Variants in GRM5 observed in about 807,000 individuals in gnomAD.
GRM5 encodes the protein metabotropic glutamate receptor 5.
Under a neutral mutation model 83.1 loss-of-function variants are expected in GRM5, and 19 were observed. That is an observed-to-expected ratio of 0.23 (90% CI 0.16 to 0.34). The LOEUF is 0.34. Among genes scored for constraint, GRM5 ranks in the 10% least tolerant of loss-of-function variants. GRM5 has a pLI of 1.00. For synonymous variants in GRM5, 675 were observed against 633.6 expected (o/e 1.07, Z -0.98); for missense variants, 1,160 against 1,588.3 (o/e 0.73, Z 4.58).
At chr11:88,710,507 G>A (rs1273885574) in intron 3 of GRM5, among the ~76,000 whole-genome samples, 2 of 151,986 alleles carry the variant, frequency 1.3e-5, no homozygotes, top group Non-Finnish European at 1.5e-5. Context: ...AGTCACTTAA[G>A]TTACTCAGAA....
intron 2 of GRM5, among the ~76,000 whole-genome samples, chr11:88,988,334 A>C (rs1218210919): frequency 6.7e-6 from 1 of 150,322 alleles, no homozygotes; most frequent in East Asian, 2.0e-4. Flanking sequence ...GAAATGAGCA[A>C]AGCCTCCAAG....
At chr11:88,666,948 C>G (rs1394315624) in intron 3 of GRM5, among the ~76,000 whole-genome samples, 1 of 152,064 alleles carries the variant, frequency 6.6e-6, no homozygotes, top group Non-Finnish European at 1.5e-5. Context: ...CCAGGAAAAA[C>G]AGTCAATGAA....
At chr11:88,960,655 G>A (rs1938754703) in intron 2 of GRM5, among the ~76,000 whole-genome samples, 1 of 152,132 alleles carries the variant, frequency 6.6e-6, no homozygotes, top group Non-Finnish European at 1.5e-5. Context: ...GAAATTTTAG[G>A]AAACTTGGAA....
At chr11:88,643,126 G>A (rs1939340835) in intron 4 of GRM5, among the ~76,000 whole-genome samples, 1 of 152,108 alleles carries the variant, frequency 6.6e-6, no homozygotes, top group Non-Finnish European at 1.5e-5. Context: ...GGTTCTGCAG[G>A]CTGTGCAGGA....
At chr11:88,991,531 C>G (rs542903619) in intron 2 of GRM5, among the ~76,000 whole-genome samples, 7 of 151,006 alleles carry the variant, frequency 4.6e-5, no homozygotes, top group Non-Finnish European at 1.0e-4. Flanking sequence ...TCATATGGAA[C>G]CAAAAAAGAG....
At chr11:88,838,282 C>G (rs890408216) in intron 3 of GRM5, among the ~76,000 whole-genome samples, 17 of 152,134 alleles carry the variant, frequency 1.1e-4, no homozygotes, top group African/African-American at 4.1e-4. Flanking sequence ...GGAAAGAAAA[C>G]ACACAGCTTC....
intron 3 of GRM5, among the ~76,000 whole-genome samples, chr11:88,740,582 T>A (rs1942006234): frequency 6.6e-6 from 1 of 152,010 alleles, no homozygotes; most frequent in African/African-American, 2.4e-5. Flanking sequence ...GAGAATTAGG[T>A]AACCTTCCCA....
chr11:88,885,134 A>C (rs1289217541), intron 2 of GRM5, among the ~76,000 whole-genome samples: 1 of 151,936 alleles, frequency 6.6e-6, no homozygotes, highest in Admixed American at 6.6e-5. Context: ...AATGAGGTAC[A>C]TCCCATTCTT....
chr11:89,054,272 T>C (rs1941824107), intron 1 of GRM5, among the ~76,000 whole-genome samples: 1 of 152,088 alleles, frequency 6.6e-6, no homozygotes, highest in Non-Finnish European at 1.5e-5. Flanking sequence ...CTATTAGAGC[T>C]GACGTAGGAT....
intron 3 of GRM5, among the ~76,000 whole-genome samples, chr11:88,773,395 G>A (rs1253040756): frequency 6.6e-6 from 1 of 152,128 alleles, no homozygotes; most frequent in Non-Finnish European, 1.5e-5. Flanking sequence ...CTCCTATTCT[G>A]TAGGTTGCCT....
At chr11:88,763,556 GT>G (rs1483364856) in intron 3 of GRM5, among the ~76,000 whole-genome samples, 1 of 46,496 alleles carries the variant, frequency 2.2e-5, no homozygotes, top group Non-Finnish European at 1.6e-4. Flanking sequence ...TAGCATATGT[GT>G]TTGGGCTCAC....
intron 2 of GRM5, among the ~76,000 whole-genome samples, chr11:88,972,289 T>C (rs755926723): frequency 6.6e-6 from 1 of 152,040 alleles, no homozygotes; most frequent in Non-Finnish European, 1.5e-5. Context: ...ACATTTCAAG[T>C]CTGTAATAAG....
At chr11:88,776,955 C>T (rs1942867414) in intron 3 of GRM5, among the ~76,000 whole-genome samples, 1 of 152,118 alleles carries the variant, frequency 6.6e-6, no homozygotes, top group East Asian at 1.9e-4. Context: ...TTGTGGTGTT[C>T]TCTGTATTTC....
intron 2 of GRM5, among the ~76,000 whole-genome samples, chr11:88,953,250 A>C: frequency 6.6e-6 from 1 of 152,190 alleles, no homozygotes; most frequent in East Asian, 1.9e-4. Flanking sequence ...ACTTTTTAAA[A>C]ATTCATGCAT....
At chr11:88,956,199 C>T (rs1938606918) in intron 2 of GRM5, among the ~76,000 whole-genome samples, 1 of 152,168 alleles carries the variant, frequency 6.6e-6, no homozygotes, top group Non-Finnish European at 1.5e-5. Flanking sequence ...TCACCTAACA[C>T]TCTGCCTTCA....
chr11:88,520,659 T>C (rs140651441), intron 9 of GRM5, among the ~76,000 whole-genome samples: 1 of 152,296 alleles, frequency 6.6e-6, no homozygotes, highest in East Asian at 1.9e-4. Context: ...CTAGAGTCTT[T>C]TGAGTCCTTG....
chr11:88,589,133 A>C (rs929508642), intron 7 of GRM5, among the ~76,000 whole-genome samples: 4 of 151,254 alleles, frequency 2.6e-5, no homozygotes, highest in Non-Finnish European at 4.4e-5. Flanking sequence ...TTAAAATTAG[A>C]AAAACATGTA....
chr11:89,054,668 C>G (rs982583545), intron 1 of GRM5, among the ~76,000 whole-genome samples: 5 of 152,220 alleles, frequency 3.3e-5, no homozygotes, highest in African/African-American at 1.2e-4. Context: ...GAATAATCAG[C>G]AAAGGAGACT....
intron 3 of GRM5, among the ~76,000 whole-genome samples, chr11:88,769,124 T>C (rs1942679671): frequency 1.3e-5 from 2 of 152,040 alleles, no homozygotes; most frequent in African/African-American, 4.8e-5. Context: ...CTGATTCTGA[T>C]ATATAAATAT....
Sources: allele counts gnomAD v4.1 joint callset (sites outside exome capture counted in the v4.1 genomes callset), GRCh38; gene constraint gnomAD v4.1.1; transcripts MANE v1.5; gene names NCBI Gene and HGNC (gene_info 2026-07-23, HGNC 2026-07-21).